The following RNF19B variants were observed in gnomAD, a reference collection of about 807,000 sequenced individuals.
The protein encoded by RNF19B is ring finger protein 19B, also known as E3 ubiquitin-protein ligase RNF19B.
Under a neutral mutation model 65.5 loss-of-function variants are expected in RNF19B, and 23 were observed. The observed-to-expected ratio is 0.35, with a 90% CI of 0.25 to 0.50. The LOEUF (loss-of-function observed/expected upper bound fraction) is 0.50. Ranked by LOEUF, RNF19B falls within the 20% of genes least tolerant of loss-of-function variation. RNF19B has a pLI of 0.98. For synonymous variants in RNF19B, 372 were observed against 379.6 expected (o/e 0.98, Z 0.23); for missense variants, 794 against 980.0 (o/e 0.81, Z 2.53).
intron 1 of RNF19B, among the ~76,000 whole-genome samples, chr1:32,960,289 C>T (rs1642739517): frequency 6.6e-6 from 1 of 152,068 alleles, no homozygotes; most frequent in Non-Finnish European, 1.5e-5. Context: ...CCCCCCTCAC[C>T]CTACCAAATG....
rs758108561 is a variant in RNF19B at position 32,938,380 on chromosome 1, T to A, written c.1742+17A>T. Reference sequence around the variant, plus strand: ...GAAAAAATGCAACCTCTCCTGGACATCTGACTGTTCACATACCTGTCCTGT... The same window carrying A: ...GAAAAAATGCAACCTCTCCTGGACAACTGACTGTTCACATACCTGTCCTGT... On this transcript the variant is annotated intron_variant, in intron 8 of 8. Coordinates refer to ENST00000235150, the MANE Select transcript of RNF19B (RefSeq NM_001300826.2). 5 of 1,614,060 alleles carry A rather than the reference T, an allele frequency of 3.1e-6. No homozygotes were observed. The Admixed American group carries it at 5.0e-5, about 16-fold the overall frequency.
downstream of RNF19B, among the ~76,000 whole-genome samples, chr1:32,933,007 C>T (rs1642044709): frequency 6.6e-6 from 1 of 152,200 alleles, no homozygotes; most frequent in Admixed American, 6.5e-5. Context: ...GGAGGACCAA[C>T]CTGGTCATGT....
chr1:32,941,685 G>A (rs1364247805), intron 7 of RNF19B, among the ~76,000 whole-genome samples: 1 of 152,128 alleles, frequency 6.6e-6, no homozygotes, highest in Non-Finnish European at 1.5e-5. Context: ...CAGTCAAGGG[G>A]GAATCTCAAG....
intron 5 of RNF19B, among the ~76,000 whole-genome samples, chr1:32,944,837 C>T (rs1416335544): frequency 1.3e-5 from 2 of 152,062 alleles, no homozygotes; most frequent in African/African-American, 2.4e-5. Flanking sequence ...TACAGGCACC[C>T]GCTACCACAC....
intron 6 of RNF19B, among the ~76,000 whole-genome samples, chr1:32,943,167 G>A (rs1642279922): frequency 6.6e-6 from 1 of 151,414 alleles, no homozygotes; most frequent in African/African-American, 2.4e-5. Context: ...AAGAAAAAAG[G>A]AAGCTAGAAA....
At position 32,949,108 on chromosome 1, in the gene RNF19B, C is replaced by G. The variant is rs565104889; in HGVS notation, c.841+461G>C. On this transcript the variant is annotated intron_variant, in intron 2 of 8. Coordinates refer to ENST00000235150, the MANE Select transcript of RNF19B (RefSeq NM_001300826.2). ...AGGTTGGAGCTGAATGTGTGACATT[C>G]CTCCTTTTAAGGTTAATCATTAATC... Among the ~76,000 whole-genome samples, 11 of 152,326 alleles carry G rather than the reference C, an allele frequency of 7.2e-5. No individual in the cohort carries two copies. In the East Asian group the frequency reaches 1.9e-3, roughly 27 times the overall value.
intron 4 of RNF19B, among the ~76,000 whole-genome samples, chr1:32,946,099 C>G (rs1642362309): frequency 6.6e-6 from 1 of 152,104 alleles, no homozygotes; most frequent in Non-Finnish European, 1.5e-5. Context: ...CACCTGGGCT[C>G]AACTGATCTA....
At chr1:32,930,079 T>C in the RNF19B span, among the ~76,000 whole-genome samples, 2 of 152,234 alleles carry the variant, frequency 1.3e-5, no homozygotes, top group African/African-American at 4.8e-5. Context: ...ACACATATGA[T>C]AAATCTACAA....
intron 1 of RNF19B, among the ~76,000 whole-genome samples, 153 bp from the exon 2 acceptor site, chr1:32,949,927 C>T (rs1642452301): frequency 6.6e-6 from 1 of 151,970 alleles, no homozygotes; most frequent in African/African-American, 2.4e-5. Flanking sequence ...CACACACAAG[C>T]ACATTTGACC....
downstream of RNF19B, among the ~76,000 whole-genome samples, chr1:32,932,995 A>G (rs192817134): frequency 1.9e-4 from 29 of 152,294 alleles, no homozygotes; most frequent in East Asian, 3.1e-3. Context: ...GAACCTTATC[A>G]AGGAGGACCA....
At chr1:32,960,070 T>C (rs1368630297) in intron 1 of RNF19B, among the ~76,000 whole-genome samples, 1 of 151,694 alleles carries the variant, frequency 6.6e-6, no homozygotes, top group African/African-American at 2.4e-5. Flanking sequence ...AAAATTATAA[T>C]GTGAATGTTT....
downstream of RNF19B, among the ~76,000 whole-genome samples, chr1:32,932,653 C>A (rs1024251456): frequency 2.0e-5 from 3 of 152,138 alleles, no homozygotes; most frequent in African/African-American, 7.2e-5. Context: ...CCAGTTTCAA[C>A]CTTTTTGAAA....
At chr1:32,953,358 G>A (rs1402314876) in intron 1 of RNF19B, among the ~76,000 whole-genome samples, 1 of 151,842 alleles carries the variant, frequency 6.6e-6, no homozygotes, top group Non-Finnish European at 1.5e-5. Context: ...ATACTCTCCC[G>A]CAATATTCAA....
Position 32,936,802 on chromosome 1 carries a change from C to T in RNF19B, c.*4G>A. The T allele has an allele frequency of 1.3e-6, 2 of 1,540,056 alleles. No individual in the cohort carries two copies. The highest frequency in any genetic ancestry group is 1.8e-6 in the Non-Finnish European group (2 of 1,142,174). ...CTTCTCAGAACAGGAGCATTCATTC[C>T]ACTTCATACTCTGGCTTCTCCACCT... On this transcript the variant is annotated 3_prime_UTR_variant, in exon 9 of 9. Transcript: ENST00000235150.
intron 3 of RNF19B, among the ~76,000 whole-genome samples, chr1:32,947,201 C>T (rs1271236808): frequency 6.6e-6 from 1 of 152,186 alleles, no homozygotes; most frequent in Non-Finnish European, 1.5e-5. Flanking sequence ...TCCCCAATGA[C>T]TAGCACACAG....
At chr1:32,933,727 C>T (rs772184591), downstream of RNF19B, among the ~76,000 whole-genome samples, 16 of 152,138 alleles carry the variant, frequency 1.1e-4, no homozygotes, top group South Asian at 2.1e-4. Flanking sequence ...TCTCCTTTAA[C>T]TCATTTCTTC....
intron 2 of RNF19B, among the ~76,000 whole-genome samples, chr1:32,948,888 AC>A (rs1244722089): frequency 6.6e-6 from 1 of 152,220 alleles, no homozygotes; most frequent in African/African-American, 2.4e-5. Flanking sequence ...TATGCTATCT[AC>A]CATATACTTG....
At chr1:32,961,767 C>T (rs1003016667) in intron 1 of RNF19B, among the ~76,000 whole-genome samples, 7 of 152,026 alleles carry the variant, frequency 4.6e-5, no homozygotes, top group Non-Finnish European at 1.0e-4. Flanking sequence ...TTAATAACTT[C>T]CAAATAGTTG....
chr1:32,961,987 T>C (rs949608829), intron 1 of RNF19B, among the ~76,000 whole-genome samples: 2 of 152,048 alleles, frequency 1.3e-5, no homozygotes, highest in East Asian at 1.9e-4. Context: ...TTTTTTTTTT[T>C]CTTGAGACAG....
Sources: gnomAD v4.1 joint callset for allele counts (sites outside exome capture counted in the v4.1 genomes callset) on GRCh38, gnomAD v4.1.1 for gene constraint, MANE v1.5 for transcripts, NCBI Gene and HGNC (gene_info 2026-07-23, HGNC 2026-07-21) for gene names.